Variants in MUSTN1 observed in about 807,000 individuals in gnomAD.
MUSTN1 encodes musculoskeletal, embryonic nuclear protein 1.
A neutral mutation model predicts 11.8 loss-of-function variants in MUSTN1; 14 were observed. That is an observed-to-expected ratio of 1.18 (90% CI 0.78 to 1.85). The LOEUF (loss-of-function observed/expected upper bound fraction) is 1.85. MUSTN1 is among the 40% of genes most tolerant of loss of function. The probability of loss-of-function intolerance (pLI) is 0.00; values close to 1 mark genes in which losing one functional copy is unlikely to be tolerated. For missense variants in MUSTN1, 111 were observed against 108.8 expected (o/e 1.02, Z -0.09); for synonymous variants, 42 against 43.3 (o/e 0.97, Z 0.12).
rs1370635996 is a variant in MUSTN1, at chr3:52,833,449, T to C, written c.143-19A>G. The stretch of plus-strand genomic sequence containing the variant: ...GCTTGCTCTGTGGGAGGAGGTAAAG[T>C]CAGGGGCCAGCCTAGCTTCCTGGGA... On this transcript the variant is annotated intron_variant, in intron 2 of 2. Coordinates refer to ENST00000446157, the MANE Select transcript of MUSTN1 (RefSeq NM_205853.4). The C allele has an allele frequency of 6.2e-7, 1 of 1,606,896 alleles. No homozygotes were observed. The highest frequency in any genetic ancestry group is 8.5e-7 in the Non-Finnish European group (1 of 1,175,074).
intron 1 of MUSTN1, 23 bp from the exon 2 acceptor site, chr3:52,833,772 C>T (rs1488517227): frequency 6.4e-7 from 1 of 1,566,976 alleles, no homozygotes; most frequent in Non-Finnish European, 8.7e-7. Flanking sequence ...AGAGCCTCAT[C>T]TTACTACCTG....
At chr3:52,834,729 C>T (rs926630723) in intron 1 of MUSTN1, 4 of 695,880 alleles carry the variant, frequency 5.7e-6, no homozygotes, top group East Asian at 2.7e-5. Context: ...TTTCTCTCCA[C>T]TCCTCCTAAC....
intron 1 of MUSTN1, chr3:52,834,724 C>G (rs745987965): frequency 1.5e-6 from 1 of 687,182 alleles, no homozygotes; most frequent in South Asian, 1.6e-5. Context: ...CAACATTTCT[C>G]TCCACTCCTC....
At position 52,834,017 on chromosome 3, in the gene MUSTN1, C is replaced by T. The variant is rs576626253; in HGVS notation, c.10-268G>A. 3.9e-5 allele frequency among the ~76,000 whole-genome samples: 6 copies of T among 152,320 alleles called. No homozygotes were observed. The South Asian group carries it at 6.2e-4, about 16-fold the overall frequency. ...CTGCTGCAGCCTCACACTGGCGTGT[C>T]TGGCTACCTGGTCAAGCTCAGGACT... On this transcript the variant is annotated intron_variant, in intron 1 of 2. Coordinates refer to ENST00000446157, the MANE Select transcript of MUSTN1 (RefSeq NM_205853.4).
chr3:52,834,675 C>CACACACACACACAG (rs1455657975), intron 1 of MUSTN1: 1 of 616,876 alleles, frequency 1.6e-6, no homozygotes, highest in Admixed American at 2.7e-5. Flanking sequence ...CACACACACA[C>CACACACACACACAG]AGGCACATGC....
At chr3:52,834,756 C>T (rs1449937661) in intron 1 of MUSTN1, 184 bp downstream of exon 1, 2 of 758,724 alleles carry the variant, frequency 2.6e-6, no homozygotes, top group African/African-American at 3.5e-5. Flanking sequence ...TGGAATACCA[C>T]CAAAGCCACA....
At position 52,833,401 on chromosome 3, in the gene MUSTN1, A is replaced by G. The variant is rs201011740; in HGVS notation, c.172T>C (p.Phe58Leu). 6.2e-7 allele frequency: 1 copy of G among 1,613,630 alleles called. No homozygotes were observed. Among genetic ancestry groups the G allele is most frequent in the African/African-American group, 1.3e-5 (1 of 74,994 alleles). Reference sequence around the variant, plus strand: ...TCGGTACCTGTGCGGGTGCGGCTGAACACCGACGGGGCGGCCGAGCCAGCT... The same window carrying G: ...TCGGTACCTGTGCGGGTGCGGCTGAGCACCGACGGGGCGGCCGAGCCAGCT... ...EQAGSAAPSV[F>L]SRTRTGTETV... The change falls in exon 3 of 3, where the codon TTC (phenylalanine) becomes CTC (leucine). Residue 58 changes from phenylalanine to leucine, a missense_variant. Physicochemically the swap from Phe to Leu is conservative, Grantham distance 22 (BLOSUM62 0). Coordinates refer to ENST00000446157, the MANE Select transcript of MUSTN1 (RefSeq NM_205853.4).
At chr3:52,834,480 C>T (rs369442484) in intron 1 of MUSTN1, among the ~76,000 whole-genome samples, 17 of 152,282 alleles carry the variant, frequency 1.1e-4, no homozygotes, top group African/African-American at 4.1e-4. Flanking sequence ...ATGCATCCAG[C>T]TGTGTCCCTC....
In MUSTN1 at chr3:52,833,315, G is replaced by A. The variant is rs370527177; in HGVS notation, c.*9C>T. The A allele has an allele frequency of 1.7e-5, 28 of 1,613,766 alleles. No homozygotes were observed. In the African/African-American group the frequency reaches 2.7e-4, roughly 15 times the overall value. On this transcript the variant is annotated 3_prime_UTR_variant, in exon 3 of 3. Coordinates refer to ENST00000446157, the MANE Select transcript of MUSTN1 (RefSeq NM_205853.4). ...GCATTCGGGCAGCAAGGGGAGTGGCGCACACTTCTCAGCCGAAGACACTCT... is the reference window on the plus strand; with the variant it reads ...GCATTCGGGCAGCAAGGGGAGTGGCACACACTTCTCAGCCGAAGACACTCT...
In MUSTN1 at chr3:52,833,277, C is replaced by T. The variant is rs763013816; in HGVS notation, c.*47G>A. 4 of 1,611,972 alleles carry T rather than the reference C, an allele frequency of 2.5e-6. No individual in the cohort carries two copies. The highest frequency in any genetic ancestry group is 1.7e-4 in the Middle Eastern group (1 of 6,058). ...CATAAAAAAGAGTTCCTGGGAAAGG[C>T]TCCTGTTTCCGAGCATTCGGGCAGC... On this transcript the variant is annotated 3_prime_UTR_variant, in exon 3 of 3. Coordinates refer to ENST00000446157, the MANE Select transcript of MUSTN1 (RefSeq NM_205853.4).
Position 52,834,992 on chromosome 3 carries a change from G to A in MUSTN1, c.-44C>T. The A allele has an allele frequency of 6.2e-7, 1 of 1,612,418 alleles. No homozygotes were observed. Among genetic ancestry groups the A allele is most frequent in the South Asian group, 1.1e-5 (1 of 90,488 alleles). On this transcript the variant is annotated 5_prime_UTR_variant, in exon 1 of 3. Coordinates refer to ENST00000446157, the MANE Select transcript of MUSTN1 (RefSeq NM_205853.4). ...GCTGGGTCTCTGAAGGCGCCTCTCT[G>A]GCAGGCAGCAGCTGCTGGAAAAGAT...
At chr3:52,834,651 T>TTCACACAC in intron 1 of MUSTN1, 1 of 384,672 alleles carries the variant, frequency 2.6e-6, no homozygotes. Context: ...CACACACAGA[T>TTCACACAC]GCGCACACAC....
chr3:52,833,821 G>T, intron 1 of MUSTN1, 72 bp from the exon 2 acceptor site: 2 of 1,526,356 alleles, frequency 1.3e-6, no homozygotes, highest in Non-Finnish European at 1.8e-6. Flanking sequence ...CTGTGCCTTG[G>T]CCAAGACCCC....
intron 1 of MUSTN1, among the ~76,000 whole-genome samples, chr3:52,833,998 C>T (rs1007546871): frequency 1.3e-5 from 2 of 152,200 alleles, no homozygotes; most frequent in African/African-American, 4.8e-5. Flanking sequence ...GTGGCTGCTG[C>T]AGCCTCACAC....
chr3:52,833,579 C>A (rs60332615), intron 2 of MUSTN1, 38 bp downstream of exon 2: 950,753 of 1,602,604 alleles, frequency 0.59, 286,426 homozygotes, highest in Non-Finnish European at 0.62. Context: ...CACACCTGCA[C>A]CCCCATCCCC....
chr3:52,833,206 G>A lies in MUSTN1; in HGVS notation c.*118C>T. ...TTGGCTGAAGGGCCTGGACTGTGGG[G>A]GAGGGTGGCAGCCCCAGAGACAGCA... On this transcript the variant is annotated 3_prime_UTR_variant, in exon 3 of 3. Coordinates refer to ENST00000446157, the MANE Select transcript of MUSTN1 (RefSeq NM_205853.4). The A allele has an allele frequency of 2.8e-6, 4 of 1,447,530 alleles. No homozygotes were observed. The highest frequency in any genetic ancestry group is 3.8e-6 in the Non-Finnish European group (4 of 1,055,856). 89.7% of individuals were successfully genotyped at this position (1,447,530 alleles called of 1,614,324 possible). A position where few individuals can be genotyped will look rare whatever the true frequency, so the allele number is the denominator to read the frequency against.
rs2276820 is a variant in MUSTN1 at position 52,833,702 on chromosome 3, C to T, written c.57G>A (p.Lys19=). The part of the protein sequence containing the change: ...APIKKKRPPV[K]DEDLKGARGN... Reference sequence around the variant, plus strand: ...CTCGGGCCCCCTTCAGGTCCTCGTCCTTCACAGGGGGGCGCTTCTTCTTGA... The same window carrying T: ...CTCGGGCCCCCTTCAGGTCCTCGTCTTTCACAGGGGGGCGCTTCTTCTTGA... Residue 19 remains lysine, a synonymous_variant, in exon 2 of 3, where the codon AAG becomes AAA. Coordinates refer to ENST00000446157, the MANE Select transcript of MUSTN1 (RefSeq NM_205853.4). 0.012 allele frequency: 19,580 copies of T among 1,592,566 alleles called. 2,190 individuals are homozygous for T. In the South Asian group the frequency reaches 0.21, roughly 17 times the overall value.
At chr3:52,834,915 C>T (rs570199807) in intron 1 of MUSTN1, 25 bp downstream of exon 1, 14 of 1,613,062 alleles carry the variant, frequency 8.7e-6, no homozygotes, top group Middle Eastern at 1.6e-4. Flanking sequence ...CTGGCATCAA[C>T]ACAGCCCTTG....
At position 52,833,351 on chromosome 3, in the gene MUSTN1, G is replaced by A. The variant is rs928584264; in HGVS notation, c.222C>T (p.Ala74=). The A allele has an allele frequency of 9.9e-6, 16 of 1,613,838 alleles. No homozygotes were observed. The highest frequency in any genetic ancestry group is 5.0e-5 in the Admixed American group (3 of 60,002). The change falls in exon 3 of 3, where the codon GCC becomes GCT. Residue 74 remains alanine, a synonymous_variant. Coordinates refer to ENST00000446157, the MANE Select transcript of MUSTN1 (RefSeq NM_205853.4). ...AGCCGAAGACACTCTTGGTGGGTCC[G>A]GCTTTGGGCTTCTCAAAGACAGTCT... ...GTETVFEKPK[A]GPTKSVFG is the part of the protein sequence containing the mutation.
Sources: gnomAD v4.1 joint callset for allele counts (sites outside exome capture counted in the v4.1 genomes callset) on GRCh38, gnomAD v4.1.1 for gene constraint, MANE v1.5 for transcripts, NCBI Gene and HGNC (gene_info 2026-07-23, HGNC 2026-07-21) for gene names.